LAMB4: variants seen among roughly 807,000 people sequenced by gnomAD.
The protein encoded by LAMB4 is laminin subunit beta 4.
A neutral mutation model predicts 199.2 loss-of-function variants in LAMB4; 196 were observed. The ratio of observed to expected loss-of-function variants is 0.98; its 90% CI spans 0.88 to 1.11. LAMB4 has a LOEUF of 1.11. Ranked by LOEUF, LAMB4 falls within the 50% of genes least tolerant of loss-of-function variation. The pLI, the probability that LAMB4 is intolerant of heterozygous loss-of-function variation, is 0.00. For missense variants in LAMB4, 2,080 were observed against 2,171.2 expected (o/e 0.96, Z 0.83); for synonymous variants, 744 against 770.6 (o/e 0.97, Z 0.57).
chr7:108,021,077 A>G (rs1374372820), downstream of LAMB4, among the ~76,000 whole-genome samples: 3 of 152,170 alleles, frequency 2.0e-5, no homozygotes, highest in African/African-American at 7.2e-5. Context: ...TACATCCTCA[A>G]TCTGTGTTTC....
chr7:108,106,420 G>GAA (rs111986177), intron 7 of LAMB4, 89 bp downstream of exon 7: 386 of 671,456 alleles, frequency 5.7e-4, no homozygotes, highest in East Asian at 7.3e-4. Flanking sequence ...TCCGTCTCAA[G>GAA]AAAAAAAAAA....
intron 29 of LAMB4, among the ~76,000 whole-genome samples, chr7:108,039,862 G>A (rs1180852932): frequency 1.3e-5 from 2 of 152,192 alleles, no homozygotes; most frequent in African/African-American, 4.8e-5. Context: ...CACAAGACAA[G>A]GATGCCCTCT....
In LAMB4 at chr7:108,116,142, T is replaced by G. The variant is rs2038399632; in HGVS notation, c.54A>C (p.Lys18Asn). 6.2e-7 allele frequency: 1 copy of G among 1,613,726 alleles called. No individual in the cohort carries two copies. The highest frequency in any genetic ancestry group is 8.5e-7 in the Non-Finnish European group (1 of 1,179,842). The change falls in exon 3 of 34, where the codon AAA (lysine) becomes AAC (asparagine). Residue 18 changes from lysine (K) to asparagine (N), a missense_variant. Physicochemically the swap from Lys to Asn is moderately conservative, Grantham distance 94. Transcript: ENST00000388781. ...FLHLGWLSYS[K>N]AQDDCNRGAC... ...CACCCCTGTTGCAGTCATCTTGAGCTTTTGAGTAACTGAGCCACCCTTGAA... is the reference window on the plus strand; with the variant it reads ...CACCCCTGTTGCAGTCATCTTGAGCGTTTGAGTAACTGAGCCACCCTTGAA...
intron 32 of LAMB4, 31 bp downstream of exon 32, chr7:108,030,775 T>C (rs1476629393): frequency 1.3e-6 from 2 of 1,598,996 alleles, no homozygotes; most frequent in Admixed American, 3.5e-5. Context: ...CCTGCTTTTC[T>C]GCTCTTGGTG....
chr7:108,077,299 T>C (rs1013679812), intron 16 of LAMB4, among the ~76,000 whole-genome samples: 6 of 152,066 alleles, frequency 3.9e-5, no homozygotes, highest in Non-Finnish European at 8.8e-5. Flanking sequence ...TGAGAAACTA[T>C]TGGCTGTGGG....
intron 29 of LAMB4, among the ~76,000 whole-genome samples, chr7:108,042,004 C>T (rs1285793366): frequency 1.3e-5 from 2 of 152,110 alleles, no homozygotes; most frequent in African/African-American, 4.8e-5. Context: ...ATAGAACTTT[C>T]AGGAGAAGTG....
chr7:108,106,526 T>A lies in LAMB4; in HGVS notation c.638A>T (p.Tyr213Phe). 6.3e-7 allele frequency: 1 copy of A among 1,584,314 alleles called. No homozygotes were observed. The highest frequency in any genetic ancestry group is 8.7e-7 in the Non-Finnish European group (1 of 1,154,978). Residue 213 changes from tyrosine to phenylalanine, a missense_variant, in exon 7 of 34, where the codon TAT becomes TTT. By Grantham distance (22) the Tyr-to-Phe change is conservative. Transcript: ENST00000388781. ...ATTCATACCTTGGATGTAGGGGCTA[T>A]AAGGGTTTTCAATTTCAAAACTGGG... ...LDPSFEIENP[Y>F]SPYIQDLVTL... is the part of the protein sequence containing the mutation.
At chr7:108,036,284 A>G (rs1242893021) in intron 30 of LAMB4, among the ~76,000 whole-genome samples, 1 of 151,144 alleles carries the variant, frequency 6.6e-6, no homozygotes, top group Non-Finnish European at 1.5e-5. Context: ...CCACCTCCTC[A>G]GTTCAAGTGA....
intron 5 of LAMB4, 27 bp from the exon 6 acceptor site, chr7:108,107,846 C>T (rs1563100515): frequency 2.6e-6 from 4 of 1,518,056 alleles, no homozygotes; most frequent in East Asian, 2.4e-5. Flanking sequence ...AAAGTTGGCA[C>T]ATTTCACAAA....
intron 10 of LAMB4, 63 bp from the exon 11 acceptor site, chr7:108,098,645 C>T: frequency 7.2e-7 from 1 of 1,397,194 alleles, no homozygotes; most frequent in South Asian, 1.4e-5. Flanking sequence ...GAAATATAAG[C>T]ACGGCATTTT....
chr7:108,049,341 T>G lies in LAMB4; in HGVS notation c.4107A>C (p.Gln1369His). ...RLKQIKIPDIQILNEKVCGDP... is the reference protein window; with the variant it reads ...RLKQIKIPDIHILNEKVCGDP... ...GAATATTTACCTTTTCATTCAATAT[T>G]TGGATATCTGGTATCTTAATCTGCT... The change falls in exon 27 of 34, where the codon CAA (glutamine) becomes CAC (histidine). Residue 1369 changes from glutamine (Q) to histidine (H), a missense_variant. Physicochemically the swap from Gln to His is conservative, Grantham distance 24. Coordinates refer to ENST00000388781, the MANE Select transcript of LAMB4 (RefSeq NM_007356.3). The G allele has an allele frequency of 6.4e-7, 1 of 1,562,036 alleles. No homozygotes were observed. The highest frequency in any genetic ancestry group is 1.4e-5 in the African/African-American group (1 of 72,374).
At chr7:108,046,501 C>T (rs1461958771) in intron 28 of LAMB4, among the ~76,000 whole-genome samples, 2 of 151,944 alleles carry the variant, frequency 1.3e-5, no homozygotes, top group African/African-American at 2.4e-5. Context: ...GTCAGAGGCT[C>T]TTTGCGTATT....
intron 19 of LAMB4, among the ~76,000 whole-genome samples, chr7:108,067,242 A>G (rs959031373): frequency 6.6e-6 from 1 of 152,244 alleles, no homozygotes; most frequent in African/African-American, 2.4e-5. Flanking sequence ...TGATGGATCC[A>G]ATGATGGGCT....
At chr7:108,077,116 T>C in intron 16 of LAMB4, 52 bp from the exon 17 acceptor site, 1 of 1,583,158 alleles carries the variant, frequency 6.3e-7, no homozygotes, top group Non-Finnish European at 8.7e-7. Flanking sequence ...TACAATTATA[T>C]TAGCTAAATG....
intron 1 of LAMB4, among the ~76,000 whole-genome samples, chr7:108,129,954 T>C (rs972705697): frequency 1.3e-5 from 2 of 152,354 alleles, no homozygotes; most frequent in African/African-American, 4.8e-5. Context: ...TTTTATAAGT[T>C]GTCATAAGTT....
chr7:108,088,372 C>G (rs1212348519), intron 14 of LAMB4, among the ~76,000 whole-genome samples: 1 of 152,092 alleles, frequency 6.6e-6, no homozygotes, highest in African/African-American at 2.4e-5. Flanking sequence ...CTTGGTTGGC[C>G]AGGCTAGTCT....
At chr7:108,070,401 A>G (rs2036493348) in intron 17 of LAMB4, among the ~76,000 whole-genome samples, 1 of 152,194 alleles carries the variant, frequency 6.6e-6, no homozygotes, top group South Asian at 2.1e-4. Flanking sequence ...CTAGATGACC[A>G]GAACTGACGC....
chr7:108,071,936 T>C (rs1020048412), intron 17 of LAMB4, among the ~76,000 whole-genome samples: 7 of 111,532 alleles, frequency 6.3e-5, no homozygotes, highest in African/African-American at 3.6e-4. Flanking sequence ...AATCTGAACT[T>C]TTTTTTTTTT....
rs560863965 is a variant in LAMB4, at chr7:108,124,674, A to C, written c.-33-1477T>G. ...TGTCAGTTTAAAAGGCAAAAAAAAA[A>C]CAACCTCATTATAATTTATTTGAAT... On this transcript the variant is annotated intron_variant, in intron 1 of 33. Transcript: ENST00000388781. Among the ~76,000 whole-genome samples the C allele has an allele frequency of 3.3e-5, 5 of 151,984 alleles. No homozygotes were observed. The South Asian group carries it at 6.2e-4, about 19-fold the overall frequency.
Sources: gnomAD v4.1 joint callset for allele counts (sites outside exome capture counted in the v4.1 genomes callset) on GRCh38, gnomAD v4.1.1 for gene constraint, MANE v1.5 for transcripts, NCBI Gene and HGNC (gene_info 2026-07-23, HGNC 2026-07-21) for gene names.